TSPAN10: variants seen among roughly 807,000 people sequenced by gnomAD.
TSPAN10 encodes tetraspanin-10.
In TSPAN10, 11 loss-of-function variants were observed where a neutral mutation model predicts 15.0. The observed-to-expected ratio is 0.73, with a 90% CI of 0.46 to 1.21. TSPAN10 has a LOEUF of 1.21. Among genes scored for constraint, TSPAN10 ranks in the 50% most tolerant of loss-of-function variants. The pLI, the probability that TSPAN10 is intolerant of heterozygous loss-of-function variation, is 0.00. For synonymous variants in TSPAN10, 241 were observed against 226.2 expected, an observed-to-expected ratio of 1.07 and a Z score of -0.59; for missense variants, 486 against 470.6, an observed-to-expected ratio of 1.03 and a Z score of -0.30.
chr17:81,638,940 A>T (rs1053087732), upstream of TSPAN10: 3 of 152,178 alleles, frequency 2.0e-5, no homozygotes, highest in Non-Finnish European at 4.4e-5. Flanking sequence ...TTAGTCCTGA[A>T]AAGGCAGTCT....
chr17:81,647,904 C>T (rs775703993), exon 3 of TSPAN10: 5 of 1,375,736 alleles, frequency 3.6e-6, no homozygotes, highest in African/African-American at 1.4e-5. Context: ...CTTGCAGGTA[C>T]TTTAACTGCA....
Position 81,647,883 on chromosome 17 carries a change from A to T in TSPAN10, c.675-18A>T, listed in dbSNP as rs2036276076. On this transcript the variant is annotated intron_variant, in intron 2 of 2. Coordinates refer to ENST00000611590, the Ensembl canonical transcript of TSPAN10. The stretch of plus-strand genomic sequence containing the variant: ...CGGGCCCTCCCCGCCAGAACTGACG[A>T]TTCCATGCGCCTTGCAGGTACTTTA... 1 of 1,593,216 alleles carries T rather than the reference A, an allele frequency of 6.3e-7. No individual in the cohort carries two copies. The highest frequency in any genetic ancestry group is 8.5e-7 in the Non-Finnish European group (1 of 1,176,140).
At chr17:81,646,229 T>C (rs533931845) in intron 2 of TSPAN10, 8 of 154,576 alleles carry the variant, frequency 5.2e-5, no homozygotes, top group Non-Finnish European at 8.6e-5. Context: ...CCATCTCTAC[T>C]AAAAATACAA....
chr17:81,639,171 C>G (rs1182512240), upstream of TSPAN10: 1 of 149,132 alleles, frequency 6.7e-6, no homozygotes, highest in Non-Finnish European at 1.5e-5. Flanking sequence ...AACAAAATCT[C>G]TCACAGACTG....
At chr17:81,648,340 G>A, downstream of TSPAN10, 7 of 1,198,224 alleles carry the variant, frequency 5.8e-6, no homozygotes, top group Non-Finnish European at 7.2e-6. Context: ...GGATACAGGG[G>A]GCGCCTCCGC....
At chr17:81,641,531 G>T (rs79477135), upstream of TSPAN10, among the ~76,000 whole-genome samples, 1 of 151,832 alleles carries the variant, frequency 6.6e-6, no homozygotes, top group Admixed American at 6.6e-5. Flanking sequence ...CCACCCAGGC[G>T]TCTCACGCGC....
intron 2 of TSPAN10, chr17:81,645,964 C>G: frequency 1.4e-5 from 6 of 430,422 alleles, no homozygotes; most frequent in South Asian, 2.6e-5. Flanking sequence ...GTGCTTGCCT[C>G]TCCTTGTTCT....
exon 2 of TSPAN10, chr17:81,645,373 C>T (rs1329723291): frequency 6.3e-7 from 1 of 1,595,824 alleles, no homozygotes. Flanking sequence ...GGCTGGCTAC[C>T]TGGGCGCCCT....
chr17:81,647,218 C>T (rs180696593), intron 2 of TSPAN10, among the ~76,000 whole-genome samples: 52 of 152,164 alleles, frequency 3.4e-4, no homozygotes, highest in Non-Finnish European at 3.8e-4. Context: ...CCTAGAGTGT[C>T]GTGATGCCAC....
At chr17:81,641,926 G>C (rs899222520), upstream of TSPAN10, among the ~76,000 whole-genome samples, 1 of 152,008 alleles carries the variant, frequency 6.6e-6, no homozygotes, top group East Asian at 1.9e-4. Flanking sequence ...TGTTTCATTC[G>C]TGCAGTGAAC....
chr17:81,638,819 C>G (rs1197396459), upstream of TSPAN10: 3 of 152,198 alleles, frequency 2.0e-5, no homozygotes, highest in Admixed American at 6.5e-5. Context: ...AAGCGCTGAT[C>G]TGTTTTTTAA....
chr17:81,639,153 TATAAC>T (rs778371010), upstream of TSPAN10: 6 of 150,846 alleles, frequency 4.0e-5, no homozygotes, highest in African/African-American at 7.3e-5. Context: ...TATAAGAAAA[TATAAC>T]ATAACAAAAT....
At chr17:81,648,439 T>G (rs970112048), downstream of TSPAN10, 6 of 789,920 alleles carry the variant, frequency 7.6e-6, no homozygotes, top group South Asian at 3.9e-4. Context: ...CCCAGCTCGC[T>G]CACTTCGCTC....
At position 81,648,094 on chromosome 17, in the gene TSPAN10, A is replaced by C. The variant is rs1419572502; in HGVS notation, c.868A>C (p.Asn290His). The change falls in exon 3 of 3, where the codon AAC (asparagine) becomes CAC (histidine). Residue 290 changes from asparagine (N) to histidine (H), a missense_variant. Transcript: ENST00000611590. ...GCCGCTCCGGCGGTGGCTGCGCGCG[A>C]ACCTGGCTGCCTCGGGCGGCTACGC... 3 of 1,583,996 alleles carry C rather than the reference A, an allele frequency of 1.9e-6. No individual in the cohort carries two copies. In the South Asian group the frequency reaches 3.4e-5, roughly 18 times the overall value.
chr17:81,648,424 A>G, downstream of TSPAN10: 1 of 898,842 alleles, frequency 1.1e-6, no homozygotes, highest in African/African-American at 1.8e-5. Flanking sequence ...TCGCCGCAGG[A>G]CCTACCCAGC....
At chr17:81,643,965 A>G (rs764953933) in intron 1 of TSPAN10, among the ~76,000 whole-genome samples, 12 of 150,732 alleles carry the variant, frequency 8.0e-5, no homozygotes, top group Non-Finnish European at 1.0e-4. Flanking sequence ...TCAGCCTCCC[A>G]AGTAGCTGGG....
chr17:81,637,317 TC>T, exon 1 of TSPAN10: 1 of 664,136 alleles, frequency 1.5e-6, no homozygotes, highest in Admixed American at 2.3e-5. Context: ...AAGACGAGCA[TC>T]CGAAGTCTCA....
exon 1 of TSPAN10, chr17:81,637,303 A>G: frequency 1.5e-6 from 1 of 650,526 alleles, no homozygotes; most frequent in Non-Finnish European, 2.8e-6. Flanking sequence ...CCAAAAAGGA[A>G]GCAAAGACGA....
At chr17:81,648,587 A>G (rs900713772), downstream of TSPAN10, 2 of 262,766 alleles carry the variant, frequency 7.6e-6, no homozygotes, top group Non-Finnish European at 1.4e-5. Flanking sequence ...CCAGCCGCAC[A>G]GTTCCCACCT....
Sources: allele counts gnomAD v4.1 joint callset (sites outside exome capture counted in the v4.1 genomes callset), GRCh38; gene constraint gnomAD v4.1.1; transcripts MANE v1.5; gene names NCBI Gene and HGNC (gene_info 2026-07-23, HGNC 2026-07-21).